The following CWC27 variants were observed in gnomAD, a reference collection of about 807,000 sequenced individuals.
CWC27 encodes CWC27 spliceosome associated cyclophilin.
A neutral mutation model predicts 63.6 loss-of-function variants in CWC27; 47 were observed. The observed-to-expected ratio is 0.74, with a 90% CI of 0.58 to 0.94. The LOEUF is 0.94. Ranked by LOEUF, CWC27 falls within the 40% of genes least tolerant of loss-of-function variation. CWC27 has a pLI of 0.00. For synonymous variants in CWC27, 175 were observed against 179.8 expected, an observed-to-expected ratio of 0.97 and a Z score of 0.22; for missense variants, 495 against 554.3, an observed-to-expected ratio of 0.89 and a Z score of 1.07.
chr5:64,788,016 A>C (rs1580598091), intron 6 of CWC27, among the ~76,000 whole-genome samples: 1 of 152,136 alleles, frequency 6.6e-6, no homozygotes, highest in African/African-American at 2.4e-5. Context: ...ACAAAGTTAA[A>C]TTGTTTTATA....
intron 10 of CWC27, among the ~76,000 whole-genome samples, chr5:64,839,326 A>G (rs1297222826): frequency 6.6e-6 from 1 of 152,182 alleles, no homozygotes; most frequent in Non-Finnish European, 1.5e-5. Flanking sequence ...AGAAGATGAG[A>G]GTTTGAAAGG....
At chr5:64,997,061 C>T (rs1749646879) in intron 13 of CWC27, among the ~76,000 whole-genome samples, 1 of 151,970 alleles carries the variant, frequency 6.6e-6, no homozygotes, top group African/African-American at 2.4e-5. Flanking sequence ...AATTTATATC[C>T]CTAATATTAT....
At chr5:65,012,268 G>A (rs1450886370) in intron 13 of CWC27, among the ~76,000 whole-genome samples, 1 of 152,168 alleles carries the variant, frequency 6.6e-6, no homozygotes, top group Non-Finnish European at 1.5e-5. Flanking sequence ...GAAAGTATCT[G>A]GTCAAGAAGT....
intron 11 of CWC27, among the ~76,000 whole-genome samples, chr5:64,887,429 G>C (rs138814908): frequency 1.4e-4 from 21 of 152,050 alleles, no homozygotes; most frequent in Admixed American, 7.9e-4. Context: ...GTGTGGTGGC[G>C]CGATCTTGGC....
At chr5:64,783,474 C>CAA (rs904635475) in intron 3 of CWC27, among the ~76,000 whole-genome samples, 32 of 152,168 alleles carry the variant, frequency 2.1e-4, no homozygotes, top group African/African-American at 7.7e-4. Context: ...GAATACTCTG[C>CAA]AATGGCTCAA....
intron 11 of CWC27, among the ~76,000 whole-genome samples, chr5:64,949,417 A>C (rs1350334922): frequency 6.6e-6 from 1 of 152,046 alleles, no homozygotes; most frequent in Non-Finnish European, 1.5e-5. Flanking sequence ...TGACCATTTT[A>C]GTCACAGTTT....
chr5:64,803,543 C>T (rs1238180609), intron 9 of CWC27, among the ~76,000 whole-genome samples: 1 of 152,074 alleles, frequency 6.6e-6, no homozygotes. Context: ...TGTGGTTCTA[C>T]CATTTTAATA....
chr5:64,887,411 A>T (rs1291241658), intron 11 of CWC27, among the ~76,000 whole-genome samples: 1 of 152,146 alleles, frequency 6.6e-6, no homozygotes, highest in South Asian at 2.1e-4. Flanking sequence ...TCTGTCACCC[A>T]GGCTGGAGTG....
chr5:64,862,545 C>A (rs1319586336), intron 10 of CWC27, among the ~76,000 whole-genome samples: 1 of 151,986 alleles, frequency 6.6e-6, no homozygotes, highest in African/African-American at 2.4e-5. Flanking sequence ...ACTTATATAA[C>A]CATACTAAAA....
At chr5:64,995,421 G>T (rs1749614506) in intron 13 of CWC27, among the ~76,000 whole-genome samples, 1 of 151,936 alleles carries the variant, frequency 6.6e-6, no homozygotes, top group South Asian at 2.1e-4. Context: ...TTTCTACCTG[G>T]TGTCATTCTT....
intron 10 of CWC27, among the ~76,000 whole-genome samples, chr5:64,855,819 T>G (rs1746242841): frequency 6.6e-6 from 1 of 152,098 alleles, no homozygotes; most frequent in Non-Finnish European, 1.5e-5. Flanking sequence ...CCAGATCAAA[T>G]ACATGGGAAT....
intron 11 of CWC27, among the ~76,000 whole-genome samples, chr5:64,940,556 T>TGAA (rs1748453193): frequency 6.6e-6 from 1 of 152,204 alleles, no homozygotes; most frequent in Admixed American, 6.5e-5. Context: ...CTGTTCCTAT[T>TGAA]CAGCCATCTT....
chr5:64,811,486 A>G (rs1744877921), intron 10 of CWC27, among the ~76,000 whole-genome samples: 1 of 152,078 alleles, frequency 6.6e-6, no homozygotes, highest in African/African-American at 2.4e-5. Flanking sequence ...AATTAATTAC[A>G]TCAAATTGAA....
At chr5:64,830,093 G>A (rs989133535) in intron 10 of CWC27, among the ~76,000 whole-genome samples, 1 of 142,394 alleles carries the variant, frequency 7.0e-6, no homozygotes, top group African/African-American at 2.6e-5. Context: ...TGTTACATAT[G>A]TATACATGTG....
chr5:64,939,786 C>T (rs181011130), intron 11 of CWC27, among the ~76,000 whole-genome samples: 32 of 152,038 alleles, frequency 2.1e-4, no homozygotes, highest in Admixed American at 2.0e-3. Flanking sequence ...TGAATGGGAC[C>T]GCTGCCTTTC....
intron 11 of CWC27, among the ~76,000 whole-genome samples, chr5:64,886,877 A>G (rs1293086832): frequency 6.6e-6 from 1 of 152,144 alleles, no homozygotes; most frequent in African/African-American, 2.4e-5. Flanking sequence ...GTAACCCAGA[A>G]TAGAAACAGT....
chr5:64,971,881 G>A, intron 12 of CWC27, 69 bp downstream of exon 12: 2 of 927,710 alleles, frequency 2.2e-6, no homozygotes, highest in Non-Finnish European at 3.2e-6. Flanking sequence ...TTTCTAAATG[G>A]AGCCTAATTT....
chr5:64,912,129 T>C (rs1298239653), intron 11 of CWC27, among the ~76,000 whole-genome samples: 3 of 150,868 alleles, frequency 2.0e-5, no homozygotes, highest in Non-Finnish European at 4.4e-5. Flanking sequence ...TGTATAGGTA[T>C]ATAGCTTCAA....
rs570912729 is a variant in CWC27 at position 64,817,961 on chromosome 5, T to G, written c.938+13575T>G. Among the ~76,000 whole-genome samples, 13 of 152,272 alleles carry G rather than the reference T, an allele frequency of 8.5e-5. No homozygotes were observed. The South Asian group carries it at 2.5e-3, about 29-fold the overall frequency. ...ATTTTTTGTGTACTCACATTTCTTTTAGAGACCCTTAATACATGTTACTGC... is the reference window on the plus strand; with the variant it reads ...ATTTTTTGTGTACTCACATTTCTTTGAGAGACCCTTAATACATGTTACTGC... On this transcript the variant is annotated intron_variant, in intron 10 of 13. Coordinates refer to ENST00000381070, the MANE Select transcript of CWC27 (RefSeq NM_005869.4).
Sources: allele counts gnomAD v4.1 joint callset (sites outside exome capture counted in the v4.1 genomes callset), GRCh38; gene constraint gnomAD v4.1.1; transcripts MANE v1.5; gene names NCBI Gene and HGNC (gene_info 2026-07-23, HGNC 2026-07-21).